UBASH3B: variants seen among roughly 807,000 people sequenced by gnomAD.
UBASH3B encodes ubiquitin-associated and SH3 domain-containing protein B.
Under a neutral mutation model 83.4 loss-of-function variants are expected in UBASH3B, and 37 were observed. The observed-to-expected ratio is 0.44, with a 90% confidence interval of 0.34 to 0.58. UBASH3B has a LOEUF of 0.58. UBASH3B is among the 20% of genes least tolerant of loss of function. The probability of loss-of-function intolerance (pLI) is 0.01; values close to 1 mark genes in which losing one functional copy is unlikely to be tolerated. For missense variants in UBASH3B, 657 were observed against 827.2 expected, an observed-to-expected ratio of 0.79 and a Z score of 2.52; for synonymous variants, 304 against 318.3, an observed-to-expected ratio of 0.96 and a Z score of 0.48.
chr11:122,720,873 C>T (rs772652193), intron 1 of UBASH3B, among the ~76,000 whole-genome samples: 2 of 151,916 alleles, frequency 1.3e-5, no homozygotes, highest in Non-Finnish European at 1.5e-5. Flanking sequence ...TGCATGAGGT[C>T]AAAAATCTTT....
At chr11:122,714,483 A>G (rs561475361) in intron 1 of UBASH3B, among the ~76,000 whole-genome samples, 1 of 152,326 alleles carries the variant, frequency 6.6e-6, no homozygotes, top group African/African-American at 2.4e-5. Flanking sequence ...TAAAACCTGA[A>G]GCAAGTGAGA....
chr11:122,763,453 T>G (rs191657572), intron 1 of UBASH3B, among the ~76,000 whole-genome samples: 53 of 152,110 alleles, frequency 3.5e-4, no homozygotes, highest in African/African-American at 1.1e-3. Context: ...GAAAGCAGAG[T>G]CTTGTTGATA....
intron 1 of UBASH3B, among the ~76,000 whole-genome samples, chr11:122,697,278 T>C (rs1863976054): frequency 6.6e-6 from 1 of 152,212 alleles, no homozygotes; most frequent in African/African-American, 2.4e-5. Context: ...TATGTGATTA[T>C]TCCCTTTATT....
intron 1 of UBASH3B, among the ~76,000 whole-genome samples, chr11:122,714,378 C>A (rs2187519): frequency 0.7 from 107,178 of 152,120 alleles, 38,234 homozygotes; most frequent in East Asian, 0.91. Context: ...GAAATTGCTA[C>A]CTATTGGCCC....
At chr11:122,788,954 A>C in intron 5 of UBASH3B, 146 bp from the exon 6 acceptor site, 1 of 685,592 alleles carries the variant, frequency 1.5e-6, no homozygotes, top group Non-Finnish European at 2.6e-6. Context: ...ATTCACATCT[A>C]CTCAGGGCCT....
chr11:122,712,435 C>T (rs938632), intron 1 of UBASH3B, among the ~76,000 whole-genome samples: 107,538 of 151,964 alleles, frequency 0.71, 38,491 homozygotes, highest in East Asian at 0.92. Context: ...GGGGGACGCA[C>T]GTCACACGAG....
chr11:122,704,987 G>A (rs911572772), intron 1 of UBASH3B, among the ~76,000 whole-genome samples: 1 of 152,150 alleles, frequency 6.6e-6, no homozygotes, highest in African/African-American at 2.4e-5. Flanking sequence ...TTGTTTTCAG[G>A]CTCTAAGCCT....
chr11:122,702,211 C>A (rs114233314), intron 1 of UBASH3B, among the ~76,000 whole-genome samples: 1 of 152,060 alleles, frequency 6.6e-6, no homozygotes, highest in Non-Finnish European at 1.5e-5. Context: ...CTAGGAAAAC[C>A]GAATTATTTG....
At chr11:122,776,677 G>A (rs553146993) in intron 2 of UBASH3B, among the ~76,000 whole-genome samples, 1 of 152,166 alleles carries the variant, frequency 6.6e-6, no homozygotes, top group Non-Finnish European at 1.5e-5. Flanking sequence ...AGGGACATGG[G>A]TTTAATTACA....
chr11:122,773,995 A>C, intron 1 of UBASH3B: 2 of 985,234 alleles, frequency 2.0e-6, no homozygotes, highest in Non-Finnish European at 2.4e-6. Context: ...TTAATTCCTC[A>C]GAGATTCTAA....
At chr11:122,740,570 A>G (rs961036762) in intron 1 of UBASH3B, among the ~76,000 whole-genome samples, 1 of 152,202 alleles carries the variant, frequency 6.6e-6, no homozygotes. Flanking sequence ...CCCATTGTAC[A>G]TGGGATATCA....
chr11:122,731,462 A>T (rs994583817), intron 1 of UBASH3B, among the ~76,000 whole-genome samples: 3 of 152,202 alleles, frequency 2.0e-5, no homozygotes. Flanking sequence ...TATAAAGTAA[A>T]ATAATGGTCA....
intron 12 of UBASH3B, among the ~76,000 whole-genome samples, chr11:122,807,807 T>A (rs1038763917): frequency 6.6e-6 from 1 of 152,124 alleles, no homozygotes; most frequent in Non-Finnish European, 1.5e-5. Context: ...TCCCTCCTCG[T>A]TCTCTCAAAA....
intron 1 of UBASH3B, among the ~76,000 whole-genome samples, chr11:122,693,930 A>T (rs1451482597): frequency 6.6e-6 from 1 of 152,206 alleles, no homozygotes; most frequent in Non-Finnish European, 1.5e-5. Flanking sequence ...CCATTCATTC[A>T]GTCATTCACC....
chr11:122,773,846 C>A (rs1879885), intron 1 of UBASH3B, among the ~76,000 whole-genome samples: 1 of 152,194 alleles, frequency 6.6e-6, no homozygotes, highest in African/African-American at 2.4e-5. Context: ...TTAAATTTCA[C>A]TCGGATATAT....
At chr11:122,808,816 T>C (rs370967609) in intron 13 of UBASH3B, among the ~76,000 whole-genome samples, 6 of 152,210 alleles carry the variant, frequency 3.9e-5, no homozygotes, top group African/African-American at 1.2e-4. Context: ...AGTTTATTTA[T>C]GCATCTGTCC....
At chr11:122,776,878 A>T (rs1254277996) in intron 2 of UBASH3B, 146 bp from the exon 3 acceptor site, 2 of 678,534 alleles carry the variant, frequency 2.9e-6, no homozygotes, top group Non-Finnish European at 4.6e-6. Flanking sequence ...AGTTTCCAGA[A>T]GTAGATTTTT....
intron 1 of UBASH3B, among the ~76,000 whole-genome samples, chr11:122,675,402 C>A (rs751206178): frequency 6.6e-6 from 1 of 152,150 alleles, no homozygotes; most frequent in Non-Finnish European, 1.5e-5. Context: ...AGAAAGGTGA[C>A]GCGGATGCTC....
At position 122,810,321 on chromosome 11, in the gene UBASH3B, T is replaced by C. The variant is rs538841102; in HGVS notation, c.*435T>C. 2 of 155,030 alleles carry C rather than the reference T, an allele frequency of 1.3e-5. No individual in the cohort carries two copies. The highest frequency in any genetic ancestry group is 3.8e-4 in the East Asian group (2 of 5,238). 9.6% of individuals were successfully genotyped at this position (155,030 alleles called of 1,614,324 possible). Reference sequence around the variant, plus strand: ...TGGAATTTTTTTTTTTTTATCTCCATTTTCCAGTTAGGTAGAGCCAAGCTG... The same window carrying C: ...TGGAATTTTTTTTTTTTTATCTCCACTTTCCAGTTAGGTAGAGCCAAGCTG... On this transcript the variant is annotated 3_prime_UTR_variant, in exon 14 of 14. Coordinates refer to ENST00000284273, the MANE Select transcript of UBASH3B (RefSeq NM_032873.5).
Sources: allele counts gnomAD v4.1 joint callset (sites outside exome capture counted in the v4.1 genomes callset), GRCh38; gene constraint gnomAD v4.1.1; transcripts MANE v1.5; gene names NCBI Gene and HGNC (gene_info 2026-07-23, HGNC 2026-07-21).